PCDH9: variants seen among roughly 807,000 people sequenced by gnomAD.
The protein encoded by PCDH9 is protocadherin 9.
PCDH9 carries 24 observed loss-of-function variants against 70.6 expected under a neutral mutation model. The observed-to-expected ratio is 0.34, with a 90% CI of 0.25 to 0.48. The LOEUF (loss-of-function observed/expected upper bound fraction) is 0.48. PCDH9 is among the 20% of genes least tolerant of loss of function. The probability of loss-of-function intolerance (pLI) is 0.99; values close to 1 mark genes in which losing one functional copy is unlikely to be tolerated. For synonymous variants in PCDH9, 562 were observed against 558.5 expected, an observed-to-expected ratio of 1.01 and a Z score of -0.09; for missense variants, 1,281 against 1,503.6, an observed-to-expected ratio of 0.85 and a Z score of 2.45.
intron 4 of PCDH9, among the ~76,000 whole-genome samples, chr13:66,352,365 T>C (rs1956306369): frequency 6.6e-6 from 1 of 152,150 alleles, no homozygotes; most frequent in African/African-American, 2.4e-5. Context: ...ATTTGCCTGC[T>C]TGGACTGTCA....
intron 2 of PCDH9, among the ~76,000 whole-genome samples, chr13:66,985,053 A>C (rs1033150293): frequency 6.6e-6 from 1 of 151,898 alleles, no homozygotes; most frequent in Non-Finnish European, 1.5e-5. Flanking sequence ...GCTTGCCTGG[A>C]TCATTTGGAA....
At chr13:66,505,357 C>G (rs1959200687) in intron 4 of PCDH9, among the ~76,000 whole-genome samples, 1 of 151,876 alleles carries the variant, frequency 6.6e-6, no homozygotes, top group African/African-American at 2.4e-5. Flanking sequence ...TACATGGCAG[C>G]AGGCAAGAGG....
At chr13:66,693,679 T>C (rs1351628696) in intron 3 of PCDH9, among the ~76,000 whole-genome samples, 6 of 152,290 alleles carry the variant, frequency 3.9e-5, no homozygotes, top group Non-Finnish European at 8.8e-5. Flanking sequence ...ATTTTCCCAA[T>C]TGTATACAGA....
chr13:66,754,000 T>C (rs1326892101), intron 3 of PCDH9, among the ~76,000 whole-genome samples: 1 of 152,238 alleles, frequency 6.6e-6, no homozygotes, highest in Non-Finnish European at 1.5e-5. Flanking sequence ...TTCTTCTAAT[T>C]TCTGGTAGCA....
chr13:67,192,928 G>A (rs1350717601), intron 2 of PCDH9, among the ~76,000 whole-genome samples: 1 of 152,114 alleles, frequency 6.6e-6, no homozygotes, highest in Non-Finnish European at 1.5e-5. Context: ...AGGGAAAACT[G>A]TTTAACAGGA....
At position 66,512,303 on chromosome 13, in the gene PCDH9, T is replaced by TAC. The variant is rs1555301537; in HGVS notation, c.3340+118905_3340+118906dup. Among the ~76,000 whole-genome samples the TAC allele has an allele frequency of 1.2e-4, 18 of 146,426 alleles. No homozygotes were observed. The East Asian group carries it at 2.0e-3, about 16-fold the overall frequency. The stretch of plus-strand genomic sequence containing the variant: ...GGAATTATATATATATATATATATA[T>TAC]ACACAATAAGAATTCATGAGAAGCG... On this transcript the variant is annotated intron_variant, in intron 4 of 4. Transcript: ENST00000377865.
At chr13:66,362,433 C>T (rs933188543) in intron 4 of PCDH9, among the ~76,000 whole-genome samples, 1 of 152,002 alleles carries the variant, frequency 6.6e-6, no homozygotes, top group African/African-American at 2.4e-5. Context: ...TGGGAAGATC[C>T]CAACATTACA....
At chr13:66,760,144 C>T (rs760280658) in intron 3 of PCDH9, among the ~76,000 whole-genome samples, 8 of 151,844 alleles carry the variant, frequency 5.3e-5, no homozygotes, top group Non-Finnish European at 1.2e-4. Context: ...CATTTTTTTT[C>T]CCCCTTCAGC....
At chr13:67,050,019 A>C (rs2085293313) in intron 2 of PCDH9, among the ~76,000 whole-genome samples, 2 of 152,140 alleles carry the variant, frequency 1.3e-5, no homozygotes, top group African/African-American at 4.8e-5. Context: ...GTTGACCTTA[A>C]ATGTTTCTCA....
chr13:66,901,108 T>C (rs997295424), intron 3 of PCDH9, among the ~76,000 whole-genome samples: 1 of 151,746 alleles, frequency 6.6e-6, no homozygotes, highest in African/African-American at 2.4e-5. Context: ...CATCTTAGAA[T>C]GTTTTAAAAA....
chr13:66,999,304 T>C (rs1193564934), intron 2 of PCDH9, among the ~76,000 whole-genome samples: 1 of 152,034 alleles, frequency 6.6e-6, no homozygotes, highest in Non-Finnish European at 1.5e-5. Flanking sequence ...ATATTGATAA[T>C]AGATGACAGT....
intron 3 of PCDH9, among the ~76,000 whole-genome samples, chr13:66,670,237 T>C (rs1351752777): frequency 6.6e-6 from 1 of 152,202 alleles, no homozygotes; most frequent in Non-Finnish European, 1.5e-5. Flanking sequence ...TGCAACATAA[T>C]AGGTTTCAGT....
At chr13:66,856,871 C>G in intron 3 of PCDH9, among the ~76,000 whole-genome samples, 1 of 151,962 alleles carries the variant, frequency 6.6e-6, no homozygotes, top group East Asian at 1.9e-4. Flanking sequence ...TAACCAGGTA[C>G]AAGTCTTTTT....
intron 4 of PCDH9, among the ~76,000 whole-genome samples, chr13:66,524,308 C>G (rs557335999): frequency 3.9e-4 from 59 of 151,900 alleles, no homozygotes; most frequent in African/African-American, 1.4e-3. Context: ...TTCCTTTTCT[C>G]TTTTGTTGTT....
intron 4 of PCDH9, among the ~76,000 whole-genome samples, chr13:66,539,229 C>G (rs1960840563): frequency 6.6e-6 from 1 of 152,036 alleles, no homozygotes; most frequent in African/African-American, 2.4e-5. Flanking sequence ...CACTCAACAT[C>G]TTACTACAAT....
intron 3 of PCDH9, 99 bp downstream of exon 3, chr13:66,903,405 G>A: frequency 2.1e-6 from 1 of 465,172 alleles, no homozygotes; most frequent in Non-Finnish European, 4.0e-6. Flanking sequence ...AGAAGAGATG[G>A]GCAAAGACAA....
intron 3 of PCDH9, among the ~76,000 whole-genome samples, chr13:66,856,730 T>C (rs890835545): frequency 6.6e-6 from 1 of 152,094 alleles, no homozygotes; most frequent in African/African-American, 2.4e-5. Context: ...ATTGTAAATA[T>C]GGATTTTCAG....
At chr13:66,370,237 T>C (rs1956621288) in intron 4 of PCDH9, among the ~76,000 whole-genome samples, 1 of 151,988 alleles carries the variant, frequency 6.6e-6, no homozygotes, top group South Asian at 2.1e-4. Flanking sequence ...TTCTTAAATG[T>C]AATAATCTAG....
chr13:67,105,868 A>G (rs2086529356), intron 2 of PCDH9, among the ~76,000 whole-genome samples: 1 of 151,512 alleles, frequency 6.6e-6, no homozygotes, highest in Admixed American at 6.6e-5. Flanking sequence ...TCTCAAGAAT[A>G]CATATATGTT....
Sources: allele counts gnomAD v4.1 joint callset (sites outside exome capture counted in the v4.1 genomes callset), GRCh38; gene constraint gnomAD v4.1.1; transcripts MANE v1.5; gene names NCBI Gene and HGNC (gene_info 2026-07-23, HGNC 2026-07-21).